The following INSL6 variants were observed in gnomAD, a reference collection of about 807,000 sequenced individuals.
The protein encoded by INSL6 is insulin like 6.
A neutral mutation model predicts 9.4 loss-of-function variants in INSL6; 16 were observed. That is an observed-to-expected ratio of 1.70 (90% CI 1.15 to 2.59). The LOEUF (loss-of-function observed/expected upper bound fraction) is 2.59, where lower values mean the gene tolerates loss of function less well. Ranked by LOEUF, INSL6 falls within the 30% of genes most tolerant of loss-of-function variation. INSL6 has a pLI of 0.00. For missense variants in INSL6, 391 were observed against 257.3 expected (o/e 1.52, Z -3.56); for synonymous variants, 154 against 96.9 (o/e 1.59, Z -3.46).
At chr9:5,175,479 G>A (rs1417510577) in intron 1 of INSL6, among the ~76,000 whole-genome samples, 1 of 152,024 alleles carries the variant, frequency 6.6e-6, no homozygotes, top group African/African-American at 2.4e-5. Context: ...ATGACTCCTT[G>A]CATCACCCCA....
At chr9:5,150,507 G>A (rs1013200038) in intron 2 of INSL6, among the ~76,000 whole-genome samples, 2 of 152,100 alleles carry the variant, frequency 1.3e-5, no homozygotes, top group African/African-American at 4.8e-5. Flanking sequence ...AGAAAAACAA[G>A]TTGAAACTAC....
chr9:5,106,926 A>C, the INSL6 span, among the ~76,000 whole-genome samples: 20 of 152,198 alleles, frequency 1.3e-4, no homozygotes, highest in Non-Finnish European at 1.8e-4. Flanking sequence ...GAAATACCTA[A>C]TGTAAATGAC....
At chr9:5,104,293 C>A in the INSL6 span, among the ~76,000 whole-genome samples, 1 of 152,310 alleles carries the variant, frequency 6.6e-6, no homozygotes, top group South Asian at 2.1e-4. Flanking sequence ...CACCTCTACA[C>A]AAATAAACTA....
At chr9:5,115,992 C>G in the INSL6 span, among the ~76,000 whole-genome samples, 99 of 152,086 alleles carry the variant, frequency 6.5e-4, no homozygotes, top group African/African-American at 2.3e-3. Flanking sequence ...ACCACCATGA[C>G]ACGTGTATAC....
At chr9:5,131,528 C>T (rs1051206316) in intron 3 of INSL6, among the ~76,000 whole-genome samples, 1 of 149,470 alleles carries the variant, frequency 6.7e-6, no homozygotes, top group Non-Finnish European at 1.5e-5. Context: ...ACCTCCACCT[C>T]CTGGGTTCAA....
At chr9:5,183,177 G>A (rs1396918598) in intron 1 of INSL6, among the ~76,000 whole-genome samples, 1 of 152,000 alleles carries the variant, frequency 6.6e-6, no homozygotes, top group African/African-American at 2.4e-5. Context: ...TTATTTCCTA[G>A]AAATTAACAG....
chr9:5,023,406 A>C, the INSL6 span, among the ~76,000 whole-genome samples: 1 of 152,106 alleles, frequency 6.6e-6, no homozygotes, highest in Non-Finnish European at 1.5e-5. Context: ...GCTTCAAAAT[A>C]TCACCTTGCT....
chr9:5,042,671 G>A, the INSL6 span, among the ~76,000 whole-genome samples: 359 of 152,282 alleles, frequency 2.4e-3, 3 homozygotes, highest in African/African-American at 8.1e-3. Flanking sequence ...CGTTTTCTCA[G>A]TGGGAGGGCA....
At chr9:4,997,987 C>A in the INSL6 span, among the ~76,000 whole-genome samples, 1 of 151,874 alleles carries the variant, frequency 6.6e-6, no homozygotes. Context: ...CTGAAATATT[C>A]AGTGTTCTTC....
At chr9:5,044,605 A>T in the INSL6 span, 1 of 823,164 alleles carries the variant, frequency 1.2e-6, no homozygotes, top group Non-Finnish European at 1.9e-6. Context: ...GAAAAACTTT[A>T]CATATGGGAA....
At chr9:5,054,549 T>C in the INSL6 span, 2 of 1,542,840 alleles carry the variant, frequency 1.3e-6, no homozygotes, top group Non-Finnish European at 1.7e-6. This position sits in a 1 kb window ranked among gnomAD's most constrained non-coding sequence, Gnocchi z 4.9. Flanking sequence ...CTGTATGTGC[T>C]TTTTTATCCC....
the INSL6 span, chr9:5,066,768 T>C: frequency 1.9e-6 from 3 of 1,555,196 alleles, no homozygotes; most frequent in South Asian, 2.4e-5. Flanking sequence ...TTAATAAATA[T>C]TTTTTGACTT....
chr9:5,036,925 A>C, the INSL6 span, among the ~76,000 whole-genome samples: 5 of 152,234 alleles, frequency 3.3e-5, no homozygotes, highest in Admixed American at 3.3e-4. Flanking sequence ...GTGAACAGGC[A>C]ACCTACAGAA....
chr9:5,112,879 GC>G, the INSL6 span: 1 of 416,380 alleles, frequency 2.4e-6, no homozygotes. Flanking sequence ...CGAGCCACCC[GC>G]CCTCAGCCCC....
At chr9:5,065,032 C>T in the INSL6 span, 1 of 1,580,134 alleles carries the variant, frequency 6.3e-7, no homozygotes, top group African/African-American at 1.4e-5. Context: ...ACTGTCATGG[C>T]CCAATTTCGT....
At chr9:5,068,023 G>A in the INSL6 span, among the ~76,000 whole-genome samples, 1 of 152,072 alleles carries the variant, frequency 6.6e-6, no homozygotes, top group Non-Finnish European at 1.5e-5. Context: ...AGCTGGGCAT[G>A]GTGGTGCGCA....
At chr9:5,115,003 G>C in the INSL6 span, among the ~76,000 whole-genome samples, 2 of 152,250 alleles carry the variant, frequency 1.3e-5, no homozygotes, top group South Asian at 4.1e-4. Context: ...CAGGACATAG[G>C]CATGGGCAAG....
rs139220382 is a variant in INSL6, at chr9:5,155,757, C to T, written c.376+8422G>A. Among the ~76,000 whole-genome samples, 741 of 119,452 alleles carry T rather than the reference C, an allele frequency of 6.2e-3. 4 individuals are homozygous for T. The highest frequency in any genetic ancestry group is 0.022 in the African/African-American group (711 of 32,860). The allele number at this position is 119,452 out of a possible 152,430, so 78.4% of individuals were successfully genotyped here. On this transcript the variant is annotated intron_variant, in intron 2 of 3. Transcript: ENST00000649639. ...ACACAGGGAGGGGAACATCACACAC[C>T]GGGGCCTGTTTGGGGGTGGGGGGAT...
chr9:5,124,128 G>C (rs1586844349), exon 4 of INSL6, among the ~76,000 whole-genome samples: 1 of 151,898 alleles, frequency 6.6e-6, no homozygotes, highest in East Asian at 1.9e-4. Flanking sequence ...CAGATACAAA[G>C]TTTGCAAATA....
Sources: allele counts gnomAD v4.1 joint callset (sites outside exome capture counted in the v4.1 genomes callset), GRCh38; gene constraint gnomAD v4.1.1; non-coding constraint Gnocchi (gnomAD v3.1); transcripts MANE v1.5; gene names NCBI Gene and HGNC (gene_info 2026-07-23, HGNC 2026-07-21).